Variants in CCPG1 observed in about 807,000 individuals in gnomAD.
CCPG1 encodes the protein cell cycle progression 1, also known as cell cycle progression protein 1.
In CCPG1, 46 loss-of-function variants were observed where a neutral mutation model predicts 81.3. The ratio of observed to expected loss-of-function variants is 0.57; its 90% CI spans 0.45 to 0.72. The LOEUF is 0.72. CCPG1 is among the 30% of genes least tolerant of loss of function. The pLI is 0.00. For missense variants in CCPG1, 902 were observed against 937.6 expected (o/e 0.96, Z 0.50); for synonymous variants, 330 against 305.2 (o/e 1.08, Z -0.85).
In CCPG1 at chr15:55,355,379, T is replaced by C; in HGVS notation, c.*841A>G. 3 of 1,611,984 alleles carry C rather than the reference T, an allele frequency of 1.9e-6. No individual in the cohort carries two copies. Among genetic ancestry groups the C allele is most frequent in the Non-Finnish European group, 2.5e-6 (3 of 1,178,394 alleles). ...AGAGGGTCGAATTGGAAGTCACATA[T>C]ATGTCTATGAACGGAAGTTAAAAGG... On this transcript the variant is annotated 3_prime_UTR_variant, in exon 9 of 9. Transcript: ENST00000442196.
intron 1 of CCPG1, among the ~76,000 whole-genome samples, chr15:55,405,224 T>A (rs890374616): frequency 5.9e-5 from 9 of 151,964 alleles, no homozygotes; most frequent in Non-Finnish European, 1.3e-4. Flanking sequence ...TAGCCGGGCA[T>A]GGTGGCACAT....
chr15:55,362,442 G>T (rs1264890702), intron 7 of CCPG1, among the ~76,000 whole-genome samples: 1 of 152,028 alleles, frequency 6.6e-6, no homozygotes, highest in Non-Finnish European at 1.5e-5. Flanking sequence ...AATCTTCAGA[G>T]AACAAATAAA....
At chr15:55,362,603 G>A (rs1044912849) in intron 7 of CCPG1, among the ~76,000 whole-genome samples, 2 of 152,188 alleles carry the variant, frequency 1.3e-5, no homozygotes, top group African/African-American at 4.8e-5. Flanking sequence ...GGAAGCCACA[G>A]GATGAAAGAA....
chr15:55,356,594 T>C, intron 8 of CCPG1, 185 bp from the exon 9 acceptor site: 1 of 1,236,218 alleles, frequency 8.1e-7, no homozygotes, highest in Non-Finnish European at 1.0e-6. Flanking sequence ...TTTTGTCCTA[T>C]AGAAAGAAAA....
At chr15:55,406,085 G>T (rs537970421) in intron 1 of CCPG1, among the ~76,000 whole-genome samples, 5 of 152,320 alleles carry the variant, frequency 3.3e-5, no homozygotes, top group East Asian at 1.9e-4. Context: ...GGCTGGCCTT[G>T]AAGTCCTGAC....
chr15:55,359,273 ATT>A (rs1359859486), intron 8 of CCPG1: 5 of 1,131,438 alleles, frequency 4.4e-6, no homozygotes, highest in Non-Finnish European at 5.4e-6. Context: ...CCAAAGTAGG[ATT>A]TTATATATTC....
intron 2 of CCPG1, among the ~76,000 whole-genome samples, chr15:55,386,953 G>A (rs929097348): frequency 3.3e-5 from 5 of 151,998 alleles, no homozygotes; most frequent in African/African-American, 4.8e-5. Flanking sequence ...ATGAGAATTC[G>A]GAATGCAAGA....
At chr15:55,384,416 T>C (rs2056760380) in intron 3 of CCPG1, among the ~76,000 whole-genome samples, 1 of 152,056 alleles carries the variant, frequency 6.6e-6, no homozygotes, top group African/African-American at 2.4e-5. Context: ...TCCCAGCACT[T>C]TGGGAGGTTG....
intron 5 of CCPG1, among the ~76,000 whole-genome samples, chr15:55,376,641 CTCTTAAA>C (rs1444928983): frequency 6.6e-6 from 1 of 152,304 alleles, no homozygotes; most frequent in East Asian, 1.9e-4. Context: ...CAATCTCCCA[CTCTTAAA>C]GATCTAAAAA....
chr15:55,386,150 G>A (rs1595852391), intron 2 of CCPG1, among the ~76,000 whole-genome samples: 1 of 150,166 alleles, frequency 6.7e-6, no homozygotes, highest in East Asian at 2.0e-4. Flanking sequence ...AGCACTTTGG[G>A]AGGCTGAGGC....
chr15:55,356,574 G>A, intron 8 of CCPG1, 165 bp from the exon 9 acceptor site: 2 of 1,229,078 alleles, frequency 1.6e-6, no homozygotes, highest in Non-Finnish European at 2.1e-6. Flanking sequence ...AAAGGAGTCT[G>A]TATTAGTTTT....
intron 1 of CCPG1, among the ~76,000 whole-genome samples, chr15:55,401,011 T>C (rs1196004936): frequency 6.6e-6 from 1 of 152,224 alleles, no homozygotes; most frequent in East Asian, 1.9e-4. Flanking sequence ...AGATTTTGTA[T>C]CTTGTTTTAG....
intron 3 of CCPG1, among the ~76,000 whole-genome samples, 188 bp from the exon 4 acceptor site, chr15:55,378,564 T>G (rs1456649926): frequency 6.6e-6 from 1 of 152,142 alleles, no homozygotes; most frequent in Non-Finnish European, 1.5e-5. Flanking sequence ...TATTTGAAAC[T>G]GTCAGGTGAT....
At chr15:55,363,583 G>A (rs1191398970) in intron 7 of CCPG1, among the ~76,000 whole-genome samples, 1 of 150,326 alleles carries the variant, frequency 6.7e-6, no homozygotes, top group Admixed American at 6.7e-5. Flanking sequence ...CCTAAATGCC[G>A]CCAGTCTCCT....
intron 8 of CCPG1, chr15:55,359,063 A>C (rs1411561894): frequency 2.0e-6 from 2 of 984,908 alleles, no homozygotes; most frequent in African/African-American, 3.5e-5. Context: ...TATCATAACT[A>C]AGCTGGTACA....
At chr15:55,381,163 C>T (rs549044011) in intron 3 of CCPG1, among the ~76,000 whole-genome samples, 23 of 150,804 alleles carry the variant, frequency 1.5e-4, no homozygotes, top group Admixed American at 1.3e-3. Context: ...AGGCCGGGCA[C>T]AGTGGCTCAT....
At chr15:55,387,430 C>T (rs188254312) in intron 2 of CCPG1, among the ~76,000 whole-genome samples, 125 of 152,244 alleles carry the variant, frequency 8.2e-4, no homozygotes, top group Middle Eastern at 6.8e-3. Flanking sequence ...ATGATAGATG[C>T]TTTTAAATTT....
intron 7 of CCPG1, among the ~76,000 whole-genome samples, chr15:55,361,333 A>AT (rs2056190697): frequency 6.6e-6 from 1 of 151,942 alleles, no homozygotes; most frequent in African/African-American, 2.4e-5. Context: ...GGCTGGAAGA[A>AT]TTTAAAAGAC....
chr15:55,358,472 T>C (rs1000233727), intron 8 of CCPG1: 1 of 985,348 alleles, frequency 1.0e-6, no homozygotes, highest in African/African-American at 1.7e-5. Flanking sequence ...GGGCCCTTCA[T>C]GGTCTGCATC....
Sources: allele counts gnomAD v4.1 joint callset (sites outside exome capture counted in the v4.1 genomes callset), GRCh38; gene constraint gnomAD v4.1.1; transcripts MANE v1.5; gene names NCBI Gene and HGNC (gene_info 2026-07-23, HGNC 2026-07-21).